The following SCMH1 variants were observed in gnomAD, a reference collection of about 807,000 sequenced individuals.
The protein encoded by SCMH1 is Scm polycomb group protein homolog 1, also known as polycomb protein SCMH1.
SCMH1 carries 37 observed loss-of-function variants against 70.8 expected under a neutral mutation model. The ratio of observed to expected loss-of-function variants is 0.52; its 90% CI spans 0.40 to 0.69. The LOEUF is 0.69. Ranked by LOEUF, SCMH1 falls within the 30% of genes least tolerant of loss-of-function variation. The pLI is 0.00. For missense variants in SCMH1, 607 were observed against 827.3 expected (o/e 0.73, Z 3.27); for synonymous variants, 292 against 307.4 (o/e 0.95, Z 0.52).
intron 12 of SCMH1, chr1:41,037,960 G>A (rs1008162510): frequency 6.3e-6 from 1 of 158,568 alleles, no homozygotes; most frequent in African/African-American, 2.4e-5. Flanking sequence ...TGTCAGAAAT[G>A]CTTCTTGATG....
intron 1 of SCMH1, among the ~76,000 whole-genome samples, chr1:41,224,763 G>T (rs1013053439): frequency 1.2e-4 from 19 of 152,118 alleles, no homozygotes; most frequent in Admixed American, 2.0e-4. Flanking sequence ...CGCATTTGTT[G>T]TTTCTGGGGT....
chr1:41,097,628 C>T (rs536313508), intron 8 of SCMH1, among the ~76,000 whole-genome samples: 1 of 152,324 alleles, frequency 6.6e-6, no homozygotes, highest in African/African-American at 2.4e-5. Context: ...GCCACCACAG[C>T]TAGCTAATCA....
rs79686865 is a variant in SCMH1, at chr1:41,051,180, C to T, written c.1106-2290G>A. Among the ~76,000 whole-genome samples the T allele has an allele frequency of 6.2e-3, 943 of 152,302 alleles. 6 individuals are homozygous for T. The highest frequency in any genetic ancestry group is 0.021 in the African/African-American group (880 of 41,572). On this transcript the variant is annotated intron_variant, in intron 10 of 14. Transcript: ENST00000337495. ...TGTTCCCATGGGAGCTGAAAAATTC[C>T]TATCACCTAGTGACCTTGTAGCCAA...
rs563299167 is a variant in SCMH1, at chr1:41,091,845, C to A, written c.746-16394G>T. ...TGAAGGACCTCTTCAAGGAGAACTA[C>A]AAACCACTGCTCAATGAAATAAAAG... On this transcript the variant is annotated intron_variant, in intron 8 of 14. Transcript: ENST00000337495. Among the ~76,000 whole-genome samples, 951 of 152,180 alleles carry A rather than the reference C, an allele frequency of 6.2e-3. 15 individuals are homozygous for A. The highest frequency in any genetic ancestry group is 0.022 in the African/African-American group (910 of 41,516).
chr1:41,094,343 A>C (rs1163118902), intron 8 of SCMH1, among the ~76,000 whole-genome samples: 1 of 152,158 alleles, frequency 6.6e-6, no homozygotes, highest in East Asian at 1.9e-4. Context: ...AGTTTTACTT[A>C]CCATTGCTTT....
chr1:41,044,913 C>G (rs1646709927), intron 12 of SCMH1, among the ~76,000 whole-genome samples: 1 of 152,320 alleles, frequency 6.6e-6, no homozygotes, highest in Middle Eastern at 3.4e-3. Context: ...GTATGTTTCT[C>G]TCACTTCTTA....
chr1:41,181,924 C>T (rs890259996), intron 2 of SCMH1, among the ~76,000 whole-genome samples: 2 of 152,132 alleles, frequency 1.3e-5, no homozygotes, highest in Non-Finnish European at 2.9e-5. Flanking sequence ...GCACTATTCA[C>T]AATAGCAAAG....
In SCMH1 at chr1:41,072,981, T is replaced by G. The variant is rs925261467; in HGVS notation, c.978+2238A>C. Among the ~76,000 whole-genome samples, 4 of 152,226 alleles carry G rather than the reference T, an allele frequency of 2.6e-5. No homozygotes were observed. In the East Asian group the frequency reaches 7.7e-4, roughly 29 times the overall value. On this transcript the variant is annotated intron_variant, in intron 9 of 14. Coordinates refer to ENST00000337495, the Ensembl canonical transcript of SCMH1. ...AAGGAGAATTAAGAGTATCAAATGCTAGGACATAAAACACAGGAAAAGATG... is the reference window on the plus strand; with the variant it reads ...AAGGAGAATTAAGAGTATCAAATGCGAGGACATAAAACACAGGAAAAGATG...
chr1:41,070,757 G>A (rs777744450), intron 9 of SCMH1, 36 bp from the exon 10 acceptor site: 7 of 1,611,592 alleles, frequency 4.3e-6, no homozygotes, highest in Non-Finnish European at 5.9e-6. Context: ...TGCTACCCAT[G>A]ACAGGTCTTT....
At chr1:41,148,152 G>A (rs191696915) in intron 5 of SCMH1, among the ~76,000 whole-genome samples, 2 of 152,168 alleles carry the variant, frequency 1.3e-5, no homozygotes, top group Admixed American at 1.3e-4. Context: ...ACTACTTCAT[G>A]CATGAGAACC....
intron 6 of SCMH1, 28 bp from the exon 7 acceptor site, chr1:41,117,038 T>TA (rs764255824): frequency 8.6e-5 from 135 of 1,578,408 alleles, no homozygotes; most frequent in Non-Finnish European, 1.1e-4. Flanking sequence ...GGCAACAGAT[T>TA]AAAAGTATGT....
chr1:41,084,504 T>C (rs904953140), intron 8 of SCMH1, among the ~76,000 whole-genome samples: 11 of 152,166 alleles, frequency 7.2e-5, no homozygotes, highest in African/African-American at 2.2e-4. Context: ...TGTGGAGAAA[T>C]AGGAACACTT....
intron 6 of SCMH1, among the ~76,000 whole-genome samples, chr1:41,130,146 T>C (rs1674280411): frequency 3.3e-5 from 5 of 152,362 alleles, no homozygotes; most frequent in South Asian, 4.1e-4. Context: ...AAAAAATATA[T>C]TCAAGTCCTT....
intron 6 of SCMH1, among the ~76,000 whole-genome samples, chr1:41,132,357 T>C (rs12041523): frequency 6.6e-6 from 1 of 152,128 alleles, no homozygotes; most frequent in African/African-American, 2.4e-5. Flanking sequence ...TTTTGAGAAG[T>C]GTCTGTTCAT....
intron 6 of SCMH1, among the ~76,000 whole-genome samples, chr1:41,117,488 G>C (rs1305477827): frequency 2.0e-5 from 3 of 152,058 alleles, no homozygotes; most frequent in African/African-American, 7.2e-5. Flanking sequence ...TTAGAGACCG[G>C]GAAAGGGAGT....
intron 8 of SCMH1, among the ~76,000 whole-genome samples, chr1:41,082,894 T>C (rs565517957): frequency 6.6e-6 from 1 of 152,338 alleles, no homozygotes; most frequent in Non-Finnish European, 1.5e-5. Context: ...TCTCAATAGA[T>C]GCAGAAAAGG....
chr1:41,058,995 T>C (rs1219737576), intron 10 of SCMH1, among the ~76,000 whole-genome samples: 1 of 152,176 alleles, frequency 6.6e-6, no homozygotes, highest in Admixed American at 6.5e-5. Context: ...TGGGAGACCA[T>C]CGAAGAGTTT....
intron 13 of SCMH1, among the ~76,000 whole-genome samples, chr1:41,029,427 T>A (rs1261618717): frequency 6.6e-6 from 1 of 152,242 alleles, no homozygotes; most frequent in Non-Finnish European, 1.5e-5. Context: ...CTTGAATTCC[T>A]GACCTCAAGT....
chr1:41,208,987 A>C (rs1385839620), intron 1 of SCMH1, among the ~76,000 whole-genome samples: 2 of 152,234 alleles, frequency 1.3e-5, no homozygotes, highest in Non-Finnish European at 2.9e-5. Flanking sequence ...CACTAGCAAG[A>C]CTAGTAAAGA....
Sources: allele counts gnomAD v4.1 joint callset (sites outside exome capture counted in the v4.1 genomes callset), GRCh38; gene constraint gnomAD v4.1.1; transcripts MANE v1.5; gene names NCBI Gene and HGNC (gene_info 2026-07-23, HGNC 2026-07-21).